Variants in AK6 observed in about 807,000 individuals in gnomAD.
AK6 encodes adenylate kinase isoenzyme 6.
AK6 carries 24 observed loss-of-function variants against 23.7 expected under a neutral mutation model. That is an observed-to-expected ratio of 1.01 (90% CI 0.73 to 1.43). The LOEUF (loss-of-function observed/expected upper bound fraction) is 1.43, where lower values mean the gene tolerates loss of function less well. Among genes scored for constraint, AK6 ranks in the 40% most tolerant of loss-of-function variants. AK6 has a pLI of 0.00. For missense variants in AK6, 191 were observed against 199.1 expected, an observed-to-expected ratio of 0.96 and a Z score of 0.24; for synonymous variants, 73 against 69.8, an observed-to-expected ratio of 1.05 and a Z score of -0.23.
Position 69,351,417 on chromosome 5 carries a change from T to A in AK6, c.*644A>T, listed in dbSNP as rs1761947354. ...AAGAACAGGGAGGTCTGTACTGAGA[T>A]GATATAATCTTCAAATATAGTAAGT... On this transcript the variant is annotated 3_prime_UTR_variant, in exon 5 of 5. Coordinates refer to ENST00000380822, the MANE Select transcript of AK6 (RefSeq NM_016283.5). The A allele has an allele frequency of 6.6e-6, 1 of 152,168 alleles. No individual in the cohort carries two copies. The highest frequency in any genetic ancestry group is 6.6e-5 in the Admixed American group (1 of 15,264). 9.4% of individuals were successfully genotyped at this position (152,168 alleles called of 1,614,324 possible).
intron 1 of AK6, among the ~76,000 whole-genome samples, chr5:69,367,597 C>T (rs1042015170): frequency 1.3e-5 from 2 of 151,778 alleles, no homozygotes; most frequent in African/African-American, 2.4e-5. Flanking sequence ...CTCTTTGTTA[C>T]CTAGGCTGGA....
At chr5:69,354,419 T>C (rs935637723) in intron 4 of AK6, among the ~76,000 whole-genome samples, 2 of 152,214 alleles carry the variant, frequency 1.3e-5, no homozygotes, top group African/African-American at 4.8e-5. Context: ...TTGCAAATAA[T>C]AGTGGTTAGT....
chr5:69,353,594 C>A (rs1362511948), intron 4 of AK6, among the ~76,000 whole-genome samples: 1 of 152,036 alleles, frequency 6.6e-6, no homozygotes, highest in African/African-American at 2.4e-5. Context: ...CCGCGCCCAC[C>A]CCCAAAATTT....
chr5:69,364,976 G>C, intron 2 of AK6: 2 of 1,612,680 alleles, frequency 1.2e-6, no homozygotes, highest in Non-Finnish European at 1.7e-6. Context: ...CATCATCATC[G>C]TCATCATCAT....
intron 2 of AK6, chr5:69,364,855 C>T: frequency 8.1e-7 from 1 of 1,242,032 alleles, no homozygotes; most frequent in East Asian, 2.3e-5. Flanking sequence ...TTTTCTAAAA[C>T]ACAACTTGAA....
chr5:69,358,652 C>A (rs541368400), intron 2 of AK6, among the ~76,000 whole-genome samples: 1 of 151,270 alleles, frequency 6.6e-6, no homozygotes, highest in African/African-American at 2.4e-5. Flanking sequence ...AAGTCTACTG[C>A]AGATTTTTAG....
intron 2 of AK6, among the ~76,000 whole-genome samples, chr5:69,362,836 G>A (rs1296351161): frequency 1.3e-5 from 2 of 152,058 alleles, no homozygotes; most frequent in Non-Finnish European, 2.9e-5. Flanking sequence ...ATTACAGGAG[G>A]GGGAAAAAAT....
chr5:69,364,939 T>C (rs1489228750), intron 2 of AK6: 9 of 1,604,846 alleles, frequency 5.6e-6, no homozygotes, highest in East Asian at 2.2e-5. Flanking sequence ...TCAGCAAGGC[T>C]AGATTACAGA....
intron 2 of AK6, among the ~76,000 whole-genome samples, chr5:69,362,479 T>C (rs1762265975): frequency 6.6e-6 from 1 of 152,184 alleles, no homozygotes; most frequent in South Asian, 2.1e-4. Flanking sequence ...AAATCTGGTA[T>C]GTCAAACCTT....
chr5:69,369,421 C>A, intron 1 of AK6, 42 bp downstream of exon 1: 1 of 1,602,376 alleles, frequency 6.2e-7, no homozygotes, highest in Non-Finnish European at 8.5e-7. Context: ...TCTGCGCCCC[C>A]AGCCTGCCCC....
chr5:69,369,695 G>A, upstream of AK6: 3 of 1,553,056 alleles, frequency 1.9e-6, no homozygotes, highest in Non-Finnish European at 2.6e-6. Context: ...AAAGTTGGAG[G>A]GTGGGCATAA....
chr5:69,363,598 C>T (rs1762301721), intron 2 of AK6, among the ~76,000 whole-genome samples: 1 of 151,696 alleles, frequency 6.6e-6, no homozygotes, highest in South Asian at 2.1e-4. Context: ...ACCTGGTTAA[C>T]ACGGTGAAAC....
chr5:69,362,672 G>A (rs10042124), intron 2 of AK6, among the ~76,000 whole-genome samples: 40,393 of 151,712 alleles, frequency 0.27, 6,416 homozygotes, highest in South Asian at 0.42. Context: ...ACTTGAGCCC[G>A]GGAGGCTGGG....
intron 2 of AK6, 107 bp downstream of exon 2, chr5:69,366,396 T>A (rs773484191): frequency 2.5e-6 from 2 of 806,416 alleles, no homozygotes; most frequent in Non-Finnish European, 4.1e-6. Context: ...TATTCTTTAA[T>A]GGCAATCTCT....
chr5:69,369,392 C>G, intron 1 of AK6, 71 bp downstream of exon 1: 2 of 1,548,668 alleles, frequency 1.3e-6, no homozygotes, highest in East Asian at 2.4e-5. Context: ...CCCACCTGGG[C>G]GCCCGATGCC....
chr5:69,353,873 A>C (rs920444310), intron 4 of AK6, among the ~76,000 whole-genome samples: 1 of 152,070 alleles, frequency 6.6e-6, no homozygotes, highest in Non-Finnish European at 1.5e-5. Context: ...AGGCTCAAGC[A>C]TTCCTCCCAC....
intron 2 of AK6, among the ~76,000 whole-genome samples, chr5:69,360,498 G>A (rs1335138303): frequency 3.9e-5 from 6 of 152,180 alleles, no homozygotes; most frequent in African/African-American, 1.4e-4. Flanking sequence ...TGTCTAATAG[G>A]TGTCTAGAAA....
At chr5:69,356,212 T>G (rs1019487908) in intron 2 of AK6, among the ~76,000 whole-genome samples, 9 of 152,158 alleles carry the variant, frequency 5.9e-5, no homozygotes, top group Non-Finnish European at 1.2e-4. Context: ...TGAAACCAAC[T>G]AAAAAGAGTG....
At chr5:69,365,603 T>C in intron 2 of AK6, 2 of 1,614,098 alleles carry the variant, frequency 1.2e-6, no homozygotes. Flanking sequence ...TGGTCACATA[T>C]CGGAAGGCAA....
Sources: allele counts gnomAD v4.1 joint callset (sites outside exome capture counted in the v4.1 genomes callset), GRCh38; gene constraint gnomAD v4.1.1; transcripts MANE v1.5; gene names NCBI Gene and HGNC (gene_info 2026-07-23, HGNC 2026-07-21).